Variants in ASIC2 observed in about 807,000 individuals in gnomAD.
ASIC2 encodes the protein acid sensing ion channel subunit 2.
A neutral mutation model predicts 57.3 loss-of-function variants in ASIC2; 25 were observed. The observed-to-expected ratio is 0.44, with a 90% CI of 0.32 to 0.61. The LOEUF (loss-of-function observed/expected upper bound fraction) is 0.61. ASIC2 is among the 20% of genes least tolerant of loss of function. ASIC2 has a pLI of 0.06. For synonymous variants in ASIC2, 319 were observed against 307.5 expected, an observed-to-expected ratio of 1.04 and a Z score of -0.39; for missense variants, 641 against 738.1, an observed-to-expected ratio of 0.87 and a Z score of 1.52.
At chr17:33,017,485 A>G in intron 8 of ASIC2, 120 bp downstream of exon 8, 2 of 779,828 alleles carry the variant, frequency 2.6e-6, no homozygotes, top group Non-Finnish European at 4.1e-6. Context: ...GGTGGACAGG[A>G]GGGGAAGCAG....
intron 1 of ASIC2, among the ~76,000 whole-genome samples, chr17:33,259,348 G>A (rs1040449191): frequency 6.6e-6 from 1 of 152,120 alleles, no homozygotes; most frequent in Non-Finnish European, 1.5e-5. Context: ...CAAAACCAGG[G>A]TCATAAAACC....
intron 3 of ASIC2, among the ~76,000 whole-genome samples, chr17:33,067,994 C>T (rs223038): frequency 0.4 from 60,898 of 151,900 alleles, 13,271 homozygotes; most frequent in East Asian, 0.65. Flanking sequence ...GAGAGGGCTC[C>T]GGGCAAGACC....
intron 1 of ASIC2, among the ~76,000 whole-genome samples, chr17:33,961,435 C>T (rs188482445): frequency 6.6e-6 from 1 of 152,148 alleles, no homozygotes; most frequent in Non-Finnish European, 1.5e-5. Flanking sequence ...GAGCTTAGCC[C>T]GAGCTTATGT....
chr17:33,074,028 A>C (rs777257484), intron 3 of ASIC2, among the ~76,000 whole-genome samples: 14 of 152,118 alleles, frequency 9.2e-5, no homozygotes, highest in Non-Finnish European at 1.8e-4. Context: ...TTTGCTTTCC[A>C]GTGAGCTCTT....
chr17:33,680,085 G>T (rs1232455810), intron 1 of ASIC2, among the ~76,000 whole-genome samples: 1 of 152,134 alleles, frequency 6.6e-6, no homozygotes, highest in Non-Finnish European at 1.5e-5. Flanking sequence ...GAGGGAGGCT[G>T]GTGGTGTACC....
intron 1 of ASIC2, among the ~76,000 whole-genome samples, chr17:33,671,886 A>G (rs1597829648): frequency 6.6e-6 from 1 of 152,068 alleles, no homozygotes; most frequent in Admixed American, 6.6e-5. Context: ...GGAACCTTGA[A>G]CCTTGTTTAG....
At chr17:34,042,640 G>A (rs961236983) in intron 1 of ASIC2, among the ~76,000 whole-genome samples, 17 of 152,150 alleles carry the variant, frequency 1.1e-4, no homozygotes, top group Non-Finnish European at 4.4e-5. Context: ...TATCTTGATT[G>A]CTGTGATGGT....
At chr17:33,610,479 G>A (rs1444393045) in intron 1 of ASIC2, among the ~76,000 whole-genome samples, 7 of 152,140 alleles carry the variant, frequency 4.6e-5, no homozygotes, top group African/African-American at 1.7e-4. Flanking sequence ...CCGCAATTTT[G>A]CCTCTTAACC....
chr17:34,061,997 G>A (rs897441637), intron 1 of ASIC2, among the ~76,000 whole-genome samples: 1 of 152,062 alleles, frequency 6.6e-6, no homozygotes, highest in East Asian at 1.9e-4. Context: ...GGAAACAATG[G>A]ATTTAAACTA....
Position 34,154,912 on chromosome 17 carries a change from A to AGCT in ASIC2, c.555+1063_555+1065dup, listed in dbSNP as rs532071932. ...TGCCTGGCAGCAAACAGTAGTCAGC[A>AGCT]GCTGCTGTATGACCTATTATGCCAA... On this transcript the variant is annotated intron_variant, in intron 1 of 9. Transcript: ENST00000359872. Among the ~76,000 whole-genome samples, 580 of 152,226 alleles carry AGCT rather than the reference A, an allele frequency of 3.8e-3. 2 individuals are homozygous for AGCT. The highest frequency in any genetic ancestry group is 0.013 in the African/African-American group (549 of 41,532).
At chr17:33,698,414 C>A (rs1278160739) in intron 1 of ASIC2, among the ~76,000 whole-genome samples, 2 of 152,146 alleles carry the variant, frequency 1.3e-5, no homozygotes, top group Non-Finnish European at 2.9e-5. Flanking sequence ...GTGTCTGGCA[C>A]ATAGGAAGTT....
At chr17:33,149,453 T>C (rs1001239683) in intron 1 of ASIC2, among the ~76,000 whole-genome samples, 1 of 152,244 alleles carries the variant, frequency 6.6e-6, no homozygotes, top group African/African-American at 2.4e-5. Flanking sequence ...CATTACATAA[T>C]GTTTGAGTGA....
intron 1 of ASIC2, among the ~76,000 whole-genome samples, chr17:34,108,624 T>C (rs566737337): frequency 1.3e-5 from 2 of 152,324 alleles, no homozygotes; most frequent in South Asian, 4.1e-4. Context: ...TTTAGTGTTC[T>C]ATAAGTGCCA....
intron 1 of ASIC2, among the ~76,000 whole-genome samples, chr17:33,316,850 C>T (rs1906677498): frequency 6.6e-6 from 1 of 152,182 alleles, no homozygotes; most frequent in African/African-American, 2.4e-5. Flanking sequence ...AGAATAAAAT[C>T]CACTTTGGAG....
At chr17:33,514,812 C>A (rs1914519313) in intron 1 of ASIC2, among the ~76,000 whole-genome samples, 1 of 152,238 alleles carries the variant, frequency 6.6e-6, no homozygotes, top group Admixed American at 6.5e-5. Flanking sequence ...TGATTCATGG[C>A]TTTGCTCACT....
chr17:33,800,672 G>A (rs1912107316), intron 1 of ASIC2, among the ~76,000 whole-genome samples: 1 of 152,152 alleles, frequency 6.6e-6, no homozygotes, highest in Admixed American at 6.5e-5. Flanking sequence ...TGTCAATGGT[G>A]TCTTTAAAAC....
rs181286922 is a variant in ASIC2 at position 33,037,691 on chromosome 17, T to C, written c.988-9299A>G. 4.6e-5 allele frequency among the ~76,000 whole-genome samples: 7 copies of C among 152,328 alleles called. No homozygotes were observed. The East Asian group carries it at 1.3e-3, about 29-fold the overall frequency. On this transcript the variant is annotated intron_variant, in intron 3 of 9. Coordinates refer to ENST00000225823, the MANE Select transcript of ASIC2 (RefSeq NM_183377.2). ...GTTTTCTGGCATCCCAAGGGAAAGA[T>C]AGACACAAGAATAGTTGTAATACGG...
chr17:33,426,247 G>A (rs561932279), intron 1 of ASIC2, among the ~76,000 whole-genome samples: 1 of 152,296 alleles, frequency 6.6e-6, no homozygotes, highest in African/African-American at 2.4e-5. Context: ...TCATAGCCAG[G>A]GCACTTTACC....
intron 4 of ASIC2, among the ~76,000 whole-genome samples, chr17:33,027,765 G>T: frequency 6.6e-6 from 1 of 152,218 alleles, no homozygotes; most frequent in Admixed American, 6.5e-5. Flanking sequence ...ATGGCCACAT[G>T]CATTGTTAGT....
Sources: allele counts gnomAD v4.1 joint callset (sites outside exome capture counted in the v4.1 genomes callset), GRCh38; gene constraint gnomAD v4.1.1; transcripts MANE v1.5; gene names NCBI Gene and HGNC (gene_info 2026-07-23, HGNC 2026-07-21).